The following SNX29 variants were observed in gnomAD, a reference collection of about 807,000 sequenced individuals.
SNX29 encodes the protein sorting nexin-29.
SNX29 carries 78 observed loss-of-function variants against 102.1 expected under a neutral mutation model. That is an observed-to-expected ratio of 0.76 (90% CI 0.64 to 0.92). The LOEUF (loss-of-function observed/expected upper bound fraction) is 0.92, where lower values mean the gene tolerates loss of function less well. Ranked by LOEUF, SNX29 falls within the 40% of genes least tolerant of loss-of-function variation. The probability of loss-of-function intolerance (pLI) is 0.00; values close to 1 mark genes in which losing one functional copy is unlikely to be tolerated. For synonymous variants in SNX29, 580 were observed against 414.5 expected (o/e 1.40, Z -4.85); for missense variants, 1,280 against 1,061.7 (o/e 1.21, Z -2.86).
intron 15 of SNX29, among the ~76,000 whole-genome samples, chr16:12,324,465 A>G (rs2081056052): frequency 6.6e-6 from 1 of 151,726 alleles, no homozygotes. Context: ...GTGGAGATGG[A>G]GTCAGGCCAT....
chr16:12,224,497 C>T (rs1424841236), intron 14 of SNX29, among the ~76,000 whole-genome samples: 3 of 152,154 alleles, frequency 2.0e-5, no homozygotes, highest in African/African-American at 4.8e-5. Context: ...CCAGGTGCAG[C>T]TGGAGCACCG....
At chr16:12,520,132 C>T (rs1007715853) in intron 19 of SNX29, among the ~76,000 whole-genome samples, 1 of 152,204 alleles carries the variant, frequency 6.6e-6, no homozygotes, top group African/African-American at 2.4e-5. Flanking sequence ...TCCTGTGCCG[C>T]GATTCAGGCC....
At chr16:12,479,741 A>T (rs1164357864) in intron 19 of SNX29, among the ~76,000 whole-genome samples, 2 of 152,272 alleles carry the variant, frequency 1.3e-5, no homozygotes, top group East Asian at 3.8e-4. Context: ...TAACCAGCGT[A>T]TTATCAAATT....
chr16:12,279,079 A>G (rs910873696), intron 15 of SNX29, among the ~76,000 whole-genome samples: 16 of 152,318 alleles, frequency 1.1e-4, no homozygotes, highest in East Asian at 3.9e-4. Flanking sequence ...ACATGTTGTA[A>G]TGGTCCCTTG....
chr16:12,255,051 A>T (rs577691800), intron 14 of SNX29, among the ~76,000 whole-genome samples: 46 of 152,184 alleles, frequency 3.0e-4, no homozygotes, highest in Non-Finnish European at 5.9e-4. Flanking sequence ...GTGTATCTTT[A>T]TGGTGTACAA....
At chr16:12,559,979 G>C (rs957868933) in intron 20 of SNX29, among the ~76,000 whole-genome samples, 1 of 151,924 alleles carries the variant, frequency 6.6e-6, no homozygotes, top group Non-Finnish European at 1.5e-5. Flanking sequence ...ACTCCACCAC[G>C]AAAAAAAGAT....
chr16:12,555,111 TCA>T (rs1247763497), intron 20 of SNX29, among the ~76,000 whole-genome samples: 2 of 128,694 alleles, frequency 1.6e-5, no homozygotes, highest in African/African-American at 4.9e-5. Context: ...AGGGACAATC[TCA>T]GAGTATCAAA....
chr16:12,543,492 C>T (rs986120470), intron 20 of SNX29, among the ~76,000 whole-genome samples: 1 of 152,192 alleles, frequency 6.6e-6, no homozygotes, highest in Non-Finnish European at 1.5e-5. Flanking sequence ...CCACAGCCAC[C>T]TGTGCTGGCG....
rs60610202 is a variant in SNX29, at chr16:12,555,797, C to T, written c.2319-12709C>T. Among the ~76,000 whole-genome samples, 984 of 152,322 alleles carry T rather than the reference C, an allele frequency of 6.5e-3. 13 individuals are homozygous for T. Among genetic ancestry groups the T allele is most frequent in the African/African-American group, 0.023 (947 of 41,572 alleles). ...TCAGTGGCACCAGGCAGGCACACTC[C>T]TGCCTGCCTCTGCAAGAAAGGTGCT... is the stretch of plus-strand genomic sequence containing the variant. On this transcript the variant is annotated intron_variant, in intron 20 of 20. Transcript: ENST00000566228.
intron 18 of SNX29, among the ~76,000 whole-genome samples, chr16:12,403,959 G>C (rs888288697): frequency 2.0e-5 from 3 of 152,156 alleles, no homozygotes; most frequent in Non-Finnish European, 4.4e-5. Flanking sequence ...GACCCCAGCA[G>C]CGCCAGGTTC....
intron 15 of SNX29, among the ~76,000 whole-genome samples, chr16:12,350,458 T>C (rs1274747824): frequency 6.6e-6 from 1 of 152,158 alleles, no homozygotes; most frequent in Non-Finnish European, 1.5e-5. Context: ...GGAGTGCCCA[T>C]GGATTTTGCT....
intron 20 of SNX29, among the ~76,000 whole-genome samples, chr16:12,555,393 G>A (rs1298285930): frequency 6.6e-6 from 1 of 151,758 alleles, no homozygotes; most frequent in Admixed American, 6.6e-5. Context: ...TTCCCTGCGT[G>A]TCTGCTGGGC....
At chr16:12,430,462 A>G (rs1427684199) in intron 18 of SNX29, among the ~76,000 whole-genome samples, 1 of 152,216 alleles carries the variant, frequency 6.6e-6, no homozygotes, top group Non-Finnish European at 1.5e-5. Flanking sequence ...CTGCTTTGGA[A>G]TTGGTCATTC....
intron 11 of SNX29, among the ~76,000 whole-genome samples, chr16:12,119,364 A>C (rs1460383735): frequency 6.6e-6 from 1 of 152,250 alleles, no homozygotes; most frequent in Non-Finnish European, 1.5e-5. Context: ...GAGTGCGCAC[A>C]TGAACAAGAG....
intron 1 of SNX29, among the ~76,000 whole-genome samples, chr16:11,985,180 T>A (rs2055568463): frequency 6.6e-6 from 1 of 152,162 alleles, no homozygotes; most frequent in Non-Finnish European, 1.5e-5. Context: ...TCAATGCTGC[T>A]AGTAAGAATA....
At chr16:12,143,059 G>A (rs1205267826) in intron 13 of SNX29, among the ~76,000 whole-genome samples, 1 of 151,466 alleles carries the variant, frequency 6.6e-6, no homozygotes, top group Non-Finnish European at 1.5e-5. Flanking sequence ...GTCCAGTGGT[G>A]CGATCTCAGC....
At chr16:12,476,421 T>TATATATATATACAC (rs1567603440) in intron 18 of SNX29, among the ~76,000 whole-genome samples, 3 of 51,980 alleles carry the variant, frequency 5.8e-5, no homozygotes, top group East Asian at 9.1e-4. Flanking sequence ...TACATATATA[T>TATATATATATACAC]ATATATATAT....
chr16:12,415,457 T>G (rs1288212717), intron 18 of SNX29, among the ~76,000 whole-genome samples: 2 of 152,258 alleles, frequency 1.3e-5, no homozygotes, highest in Admixed American at 6.5e-5. Context: ...AAGGACAGGT[T>G]GTCCATTTGC....
chr16:12,010,095 G>T (rs938338087), intron 3 of SNX29, among the ~76,000 whole-genome samples: 1 of 152,212 alleles, frequency 6.6e-6, no homozygotes, highest in Non-Finnish European at 1.5e-5. Context: ...GAAATGGGTA[G>T]TATAATGGTA....
Sources: allele counts gnomAD v4.1 joint callset (sites outside exome capture counted in the v4.1 genomes callset), GRCh38; gene constraint gnomAD v4.1.1; transcripts MANE v1.5; gene names NCBI Gene and HGNC (gene_info 2026-07-23, HGNC 2026-07-21).